DMKN: variants seen among roughly 807,000 people sequenced by gnomAD.
DMKN encodes dermokine.
In DMKN, 58 loss-of-function variants were observed where a neutral mutation model predicts 67.6. The ratio of observed to expected loss-of-function variants is 0.86; its 90% CI spans 0.69 to 1.07. The LOEUF (loss-of-function observed/expected upper bound fraction) is 1.07, where lower values mean the gene tolerates loss of function less well. Ranked by LOEUF, DMKN falls within the 50% of genes least tolerant of loss-of-function variation. DMKN has a pLI of 0.00. For synonymous variants in DMKN, 240 were observed against 232.3 expected, an observed-to-expected ratio of 1.03 and a Z score of -0.30; for missense variants, 596 against 601.5, an observed-to-expected ratio of 0.99 and a Z score of 0.10.
chr19:35,503,368 T>C, intron 9 of DMKN: 1 of 1,549,254 alleles, frequency 6.5e-7, no homozygotes, highest in East Asian at 2.4e-5. Flanking sequence ...GGTGGTGTTT[T>C]AAGGAGGGAG....
chr19:35,500,150 C>T, intron 12 of DMKN, 121 bp from the exon 13 acceptor site: 5 of 1,243,954 alleles, frequency 4.0e-6, no homozygotes, highest in Middle Eastern at 3.8e-4. Flanking sequence ...TGCTCCCCTC[C>T]TTGTGTCACG....
intron 12 of DMKN, 37 bp from the exon 13 acceptor site, chr19:35,500,066 G>T (rs763619609): frequency 6.2e-7 from 1 of 1,611,046 alleles, no homozygotes; most frequent in Non-Finnish European, 8.5e-7. Context: ...AGAACAGACG[G>T]ACGAAGGCCA....
intron 11 of DMKN, chr19:35,501,934 G>T: frequency 1.3e-6 from 2 of 1,558,930 alleles, no homozygotes; most frequent in South Asian, 1.2e-5. Context: ...CCTCGGCCTC[G>T]GCTTTTATGC....
At chr19:35,506,132 A>G (rs1290771919) in intron 7 of DMKN, 146 bp from the exon 8 acceptor site, 8 of 1,576,002 alleles carry the variant, frequency 5.1e-6, no homozygotes, top group Non-Finnish European at 6.9e-6. Flanking sequence ...TCACCACAGT[A>G]TTGACTCCAC....
Position 35,499,885 on chromosome 19 carries a change from G to A in DMKN, c.1359+73C>T, listed in dbSNP as rs1016476709. On this transcript the variant is annotated intron_variant, in intron 13 of 15. Transcript: ENST00000339686. ...TCCGGCAACCAACCGAGAGGACCCCGGCAGTGAAAGCCTCTCTCCCCATCC... is the reference window on the plus strand; with the variant it reads ...TCCGGCAACCAACCGAGAGGACCCCAGCAGTGAAAGCCTCTCTCCCCATCC... 18 of 1,540,628 alleles carry A rather than the reference G, an allele frequency of 1.2e-5. No individual in the cohort carries two copies. In the African/African-American group the frequency reaches 1.4e-4, roughly 12 times the overall value.
At chr19:35,500,320 G>A in intron 12 of DMKN, 1 of 1,537,684 alleles carries the variant, frequency 6.5e-7, no homozygotes. Flanking sequence ...GTGAGGGTAG[G>A]AGACCAAGAA....
intron 7 of DMKN, chr19:35,509,375 T>G (rs1354920801): frequency 2.0e-5 from 3 of 152,912 alleles, no homozygotes; most frequent in Non-Finnish European, 2.9e-5. Flanking sequence ...GGTCTGGCCT[T>G]GCCCCTGGCC....
In DMKN at chr19:35,503,466, T is replaced by C. The variant is rs1391488644; in HGVS notation, c.1135-580A>G. On this transcript the variant is annotated intron_variant, in intron 9 of 15. Coordinates refer to ENST00000339686, the MANE Select transcript of DMKN (RefSeq NM_033317.5). ...TCTGGTCCTGGGCAAAGAAACAGGT[T>C]TTTTTTTGTTTTTTTTTTTTTTTTT... 2.0e-5 allele frequency: 30 copies of C among 1,488,764 alleles called. No homozygotes were observed. The Middle Eastern group carries it at 1.1e-3, about 56-fold the overall frequency. The allele number at this position is 1,488,764 out of a possible 1,614,324, so 92.2% of individuals were successfully genotyped here. A position where few individuals can be genotyped will look rare whatever the true frequency, so the allele number is the denominator to read the frequency against.
Position 35,511,461 on chromosome 19 carries a change from T to C in DMKN, c.868A>G (p.Ser290Gly), listed in dbSNP as rs1449555804. ...GSSGGSSGGS[S>G]GNSGGSRGDS... ...CCTCTGCTGCCACCACTGTTGCCAC[T>C]GCTGCCACCACTGCTGCCGCCACTG... is the stretch of plus-strand genomic sequence containing the variant. The change falls in exon 5 of 16, where the codon AGT (serine) becomes GGT (glycine). Residue 290 changes from serine (S) to glycine (G), a missense_variant. Coordinates refer to ENST00000339686, the MANE Select transcript of DMKN (RefSeq NM_033317.5). The C allele has an allele frequency of 6.2e-6, 7 of 1,120,280 alleles. No homozygotes were observed. Among genetic ancestry groups the C allele is most frequent in the Middle Eastern group, 3.2e-4 (1 of 3,126 alleles). The allele number at this position is 1,120,280 out of a possible 1,614,324, so 69.4% of individuals were successfully genotyped here.
intron 7 of DMKN, chr19:35,506,543 C>G: frequency 4.1e-6 from 2 of 488,982 alleles, no homozygotes; most frequent in Non-Finnish European, 8.0e-6. Flanking sequence ...GTCTGGACTC[C>G]ACAACACCTT....
At position 35,510,261 on chromosome 19, in the gene DMKN, GA is replaced by G. The variant is rs766532395; in HGVS notation, c.919-10del. 4.8e-5 allele frequency: 76 copies of G among 1,598,450 alleles called. No homozygotes were observed. Among genetic ancestry groups the G allele is most frequent in the Non-Finnish European group, 6.4e-5 (75 of 1,172,384 alleles). ...GAGCCGGTGCTGGATCCCTGCAGGG[GA>G]AAGCAAGATTTCAAACGCTGTCCTA... On this transcript the variant is annotated splice_polypyrimidine_tract_variant and intron_variant, in intron 5 of 15. Transcript: ENST00000339686.
rs754442596 is a variant in DMKN, at chr19:35,509,952, G to T, written c.997C>A (p.Pro333Thr). Reference protein sequence around the residue: ...GNGHKPGCEKPGNEARGSGES... With the variant: ...GNGHKPGCEKTGNEARGSGES... ...CCGCTCCCGCGGGCTTCATTCCCTG[G>T]CTTTTCACACTGCCGGGGAGAGAAA... The change falls in exon 7 of 16, where the codon CCA becomes ACA. Residue 333 changes from proline (P) to threonine (T), a missense_variant. Physicochemically the swap from Pro to Thr is conservative, Grantham distance 38. Coordinates refer to ENST00000339686, the MANE Select transcript of DMKN (RefSeq NM_033317.5). 4.3e-6 allele frequency: 7 copies of T among 1,614,010 alleles called. No individual in the cohort carries two copies. The African/African-American group carries it at 8.0e-5, about 18-fold the overall frequency.
rs1360000163 is a variant in DMKN, at chr19:35,502,894, T to A, written c.1135-8A>T. 1.9e-6 allele frequency: 3 copies of A among 1,613,566 alleles called. No homozygotes were observed. Among genetic ancestry groups the A allele is most frequent in the Non-Finnish European group, 2.5e-6 (3 of 1,179,794 alleles). On this transcript the variant is annotated splice_polypyrimidine_tract_variant and splice_region_variant and intron_variant, in intron 9 of 15. Coordinates refer to ENST00000339686, the MANE Select transcript of DMKN (RefSeq NM_033317.5). ...GGGGGGCGGGACCTGGTTCTGTGGA[T>A]GAAAGGCGGGGAGCAGGTTAGCAGA... is the stretch of plus-strand genomic sequence containing the variant.
At chr19:35,499,142 T>C in intron 13 of DMKN, 4 of 587,782 alleles carry the variant, frequency 6.8e-6, no homozygotes, top group Non-Finnish European at 1.2e-5. Flanking sequence ...ACCAAGGGGG[T>C]CAAAAGAGCA....
intron 6 of DMKN, 85 bp from the exon 7 acceptor site, chr19:35,510,046 G>A (rs974081222): frequency 1.9e-6 from 3 of 1,589,824 alleles, no homozygotes; most frequent in Admixed American, 1.7e-5. Context: ...TTAACCCTGG[G>A]GCGAGCCGCT....
At chr19:35,505,499 TC>T (rs2069287649) in intron 9 of DMKN, among the ~76,000 whole-genome samples, 1 of 152,134 alleles carries the variant, frequency 6.6e-6, no homozygotes. Flanking sequence ...AAGAAGCCCG[TC>T]CCCTCTGCTC....
intron 9 of DMKN, among the ~76,000 whole-genome samples, chr19:35,505,384 T>C (rs1180092067): frequency 6.6e-6 from 1 of 152,138 alleles, no homozygotes; most frequent in Non-Finnish European, 1.5e-5. Context: ...TCACTCCTCA[T>C]TCCATGTGCC....
intron 7 of DMKN, chr19:35,508,486 T>A: frequency 2.4e-6 from 1 of 414,878 alleles, no homozygotes; most frequent in South Asian, 3.3e-5. Context: ...CTACCATAAA[T>A]AAAGCAGTCC....
intron 11 of DMKN, chr19:35,501,767 G>T (rs1599844893): frequency 1.3e-6 from 2 of 1,493,824 alleles, no homozygotes; most frequent in East Asian, 5.0e-5. Flanking sequence ...CGCAGCCTAG[G>T]CCCCTTCTTC....
Sources: gnomAD v4.1 joint callset for allele counts (sites outside exome capture counted in the v4.1 genomes callset) on GRCh38, gnomAD v4.1.1 for gene constraint, MANE v1.5 for transcripts, NCBI Gene and HGNC (gene_info 2026-07-23, HGNC 2026-07-21) for gene names.